Variants in SLC2A9 observed in about 807,000 individuals in gnomAD.
The protein encoded by SLC2A9 is solute carrier family 2, facilitated glucose transporter member 9.
Under a neutral mutation model 50.6 loss-of-function variants are expected in SLC2A9, and 39 were observed. The observed-to-expected ratio is 0.77, with a 90% CI of 0.60 to 1.01. SLC2A9 has a LOEUF of 1.01. Among genes scored for constraint, SLC2A9 ranks in the 50% least tolerant of loss-of-function variants. SLC2A9 has a pLI of 0.00. For synonymous variants in SLC2A9, 324 were observed against 276.9 expected (o/e 1.17, Z -1.69); for missense variants, 686 against 677.6 (o/e 1.01, Z -0.14).
intron 7 of SLC2A9, among the ~76,000 whole-genome samples, chr4:9,910,746 T>A (rs1358602448): frequency 6.6e-6 from 1 of 152,182 alleles, no homozygotes; most frequent in African/African-American, 2.4e-5. Context: ...GTTTCAATTC[T>A]CCCCATAGAG....
intron 3 of SLC2A9, among the ~76,000 whole-genome samples, chr4:9,986,474 TG>T (rs1382833578): frequency 6.6e-6 from 1 of 152,126 alleles, no homozygotes; most frequent in Admixed American, 6.5e-5. Context: ...AAAGGACAAA[TG>T]GGGGTGCAGG....
At chr4:9,849,952 G>A (rs1286015635) in intron 10 of SLC2A9, among the ~76,000 whole-genome samples, 1 of 151,978 alleles carries the variant, frequency 6.6e-6, no homozygotes, top group Non-Finnish European at 1.5e-5. Context: ...AAAAGCAAGA[G>A]TGACTAGATA....
chr4:10,001,030 T>C (rs1759699964), intron 2 of SLC2A9, among the ~76,000 whole-genome samples: 1 of 152,202 alleles, frequency 6.6e-6, no homozygotes, highest in Non-Finnish European at 1.5e-5. Context: ...AATGGGTCCT[T>C]ATTTGAAATG....
intron 2 of SLC2A9, chr4:10,009,708 A>G (rs1170459182): frequency 6.6e-6 from 1 of 152,236 alleles, no homozygotes; most frequent in Non-Finnish European, 1.5e-5. Context: ...TGTGGCTGCC[A>G]GTGTTGTTTC....
At chr4:9,905,485 G>A (rs957765592) in intron 8 of SLC2A9, among the ~76,000 whole-genome samples, 2 of 152,242 alleles carry the variant, frequency 1.3e-5, no homozygotes, top group Admixed American at 1.3e-4. Flanking sequence ...AGTGGCAGGA[G>A]TGCTCTCCAG....
At chr4:9,919,631 G>C (rs1479995749) in intron 7 of SLC2A9, among the ~76,000 whole-genome samples, 1 of 152,168 alleles carries the variant, frequency 6.6e-6, no homozygotes, top group African/African-American at 2.4e-5. Context: ...CTCCTCCCAA[G>C]TGACATGAGT....
intron 10 of SLC2A9, among the ~76,000 whole-genome samples, chr4:9,874,455 T>C (rs1192930092): frequency 6.6e-6 from 1 of 152,108 alleles, no homozygotes; most frequent in African/African-American, 2.4e-5. Context: ...ACACCTAAGC[T>C]CTGTGCCCTT....
chr4:9,805,815 G>T (rs1191085366), intron 3 of SLC2A9, among the ~76,000 whole-genome samples: 1 of 151,770 alleles, frequency 6.6e-6, no homozygotes, highest in African/African-American at 2.4e-5. Flanking sequence ...GTTATTGTGT[G>T]CTTATTAAGT....
intron 5 of SLC2A9, among the ~76,000 whole-genome samples, chr4:9,953,354 T>C (rs913067333): frequency 6.6e-6 from 1 of 152,246 alleles, no homozygotes; most frequent in Non-Finnish European, 1.5e-5. Context: ...CTCAGCCACA[T>C]GCTGTTGCTT....
intron 3 of SLC2A9, chr4:9,783,677 A>G (rs1718837100): frequency 3.5e-6 from 2 of 573,976 alleles, no homozygotes; most frequent in African/African-American, 3.8e-5. Flanking sequence ...TACCCAGCCT[A>G]CCAGAGATGG....
chr4:10,012,589 G>A (rs1761943015), intron 2 of SLC2A9, among the ~76,000 whole-genome samples: 1 of 152,210 alleles, frequency 6.6e-6, no homozygotes, highest in Admixed American at 6.5e-5. Context: ...AAAGCGTGAT[G>A]GAGGGGTGCC....
Position 10,021,371 on chromosome 4 carries a change from T to G in SLC2A9, c.59A>C (p.Asp20Ala). ...CCCTGGAGGCCCGGCGTGGCTGGTGTCATCTGTGAGGGGAACTAGGCCCAG... is the reference window on the plus strand; with the variant it reads ...CCCTGGAGGCCCGGCGTGGCTGGTGGCATCTGTGAGGGGAACTAGGCCCAG... ...KELGLVPLTD[D>A]TSHAGPPGPG... The change falls in exon 1 of 12, where the codon GAC becomes GCC. Residue 20 changes from aspartate (D) to alanine (A), a missense_variant. Physicochemically the swap from Asp to Ala is moderately radical, Grantham distance 126. Transcript: ENST00000264784. The G allele has an allele frequency of 6.2e-7, 1 of 1,614,248 alleles. No individual in the cohort carries two copies. The highest frequency in any genetic ancestry group is 8.5e-7 in the Non-Finnish European group (1 of 1,180,044).
At chr4:9,858,071 T>C (rs888601375) in intron 10 of SLC2A9, among the ~76,000 whole-genome samples, 5 of 152,200 alleles carry the variant, frequency 3.3e-5, no homozygotes, top group African/African-American at 1.2e-4. Flanking sequence ...AATTTAATTA[T>C]TTCTTGATTA....
intron 10 of SLC2A9, among the ~76,000 whole-genome samples, chr4:9,838,549 C>A (rs1274299888): frequency 6.6e-6 from 1 of 152,244 alleles, no homozygotes; most frequent in African/African-American, 2.4e-5. Flanking sequence ...ATAGCCAAGG[C>A]AATGCTAAGC....
Position 10,014,225 on chromosome 4 carries a change from C to T in SLC2A9, c.249+4750G>A, listed in dbSNP as rs552003819. 1.6e-4 allele frequency among the ~76,000 whole-genome samples: 24 copies of T among 152,220 alleles called. 1 individual carries two copies. The South Asian group carries it at 2.5e-3, about 16-fold the overall frequency. ...CCCACTGCAAGGAGAAGAGAGAATT[C>T]GAGGTGATCGCTGGACGCTGGGCTG... On this transcript the variant is annotated intron_variant, in intron 2 of 11. Coordinates refer to ENST00000264784, the MANE Select transcript of SLC2A9 (RefSeq NM_020041.3).
At chr4:9,787,583 C>T (rs1244080009) in intron 3 of SLC2A9, among the ~76,000 whole-genome samples, 4 of 152,224 alleles carry the variant, frequency 2.6e-5, no homozygotes, top group Non-Finnish European at 4.4e-5. Flanking sequence ...ATCTCATCTA[C>T]AGACTTTATT....
chr4:9,815,828 G>A lies in SLC2A9; in HGVS notation n.420+10592C>T, dbSNP rs555287102. ...CAAGGTAATGGCTAGTCTGGGTTAG[G>A]ACAGTGTTTGAATCATGTAAAATAA... On this transcript the variant is annotated intron_variant and non_coding_transcript_variant, in intron 3 of 3. Transcript: ENST00000503280. 2.6e-5 allele frequency among the ~76,000 whole-genome samples: 4 copies of A among 152,226 alleles called. No individual in the cohort carries two copies. In the East Asian group the frequency reaches 7.7e-4, roughly 29 times the overall value.
chr4:10,026,268 T>C (rs1763749046), upstream of SLC2A9, among the ~76,000 whole-genome samples: 1 of 152,230 alleles, frequency 6.6e-6, no homozygotes, highest in Admixed American at 6.5e-5. Flanking sequence ...CTCTTCTGCA[T>C]CATCAATTTA....
At chr4:10,029,247 T>C (rs1463318849) in intron 1 of SLC2A9, 3 of 152,338 alleles carry the variant, frequency 2.0e-5, no homozygotes, top group Non-Finnish European at 4.4e-5. Context: ...TAGGCTCAAC[T>C]CTTGGAATTC....
Sources: gnomAD v4.1 joint callset for allele counts (sites outside exome capture counted in the v4.1 genomes callset) on GRCh38, gnomAD v4.1.1 for gene constraint, MANE v1.5 for transcripts, NCBI Gene and HGNC (gene_info 2026-07-23, HGNC 2026-07-21) for gene names.